Variants in SAMMSON observed in about 807,000 individuals in gnomAD.
The protein encoded by SAMMSON is survival associated mitochondrial melanoma specific oncogenic non-coding RNA.
intron 9 of SAMMSON, among the ~76,000 whole-genome samples, chr3:70,366,495 T>TTTG (rs1553659165): frequency 1.4e-5 from 2 of 147,024 alleles, no homozygotes; most frequent in South Asian, 2.1e-4. Context: ...TTTTTATGTT[T>TTTG]TTTTTTTTTT....
intron 4 of SAMMSON, among the ~76,000 whole-genome samples, chr3:70,194,187 CT>C (rs1701154256): frequency 6.6e-6 from 1 of 152,166 alleles, no homozygotes; most frequent in Non-Finnish European, 1.5e-5. Context: ...AAAAAAATGT[CT>C]GTTCCTCATT....
rs1702647299 is a variant in SAMMSON, at chr3:70,334,514, A to G, written n.740-19661A>G. Among the ~76,000 whole-genome samples, 4 of 152,178 alleles carry G rather than the reference A, an allele frequency of 2.6e-5. No homozygotes were observed. The South Asian group carries it at 8.3e-4, about 31-fold the overall frequency. On this transcript the variant is annotated intron_variant and non_coding_transcript_variant, in intron 7 of 9. Transcript: ENST00000642114. ...TGAGAAAATTAGACACTTATGACCT[A>G]TAGGACAATGTTTTCCTTCTTGCTA...
intron 4 of SAMMSON, among the ~76,000 whole-genome samples, chr3:70,158,301 A>G (rs912243040): frequency 6.6e-6 from 1 of 152,112 alleles, no homozygotes; most frequent in Admixed American, 6.6e-5. Context: ...ACGGAATCAT[A>G]CAATATATGG....
At chr3:70,202,358 T>C (rs1294187354) in intron 4 of SAMMSON, among the ~76,000 whole-genome samples, 1 of 152,174 alleles carries the variant, frequency 6.6e-6, no homozygotes. Flanking sequence ...TTAGTACTAG[T>C]GGTCTCCAAG....
At chr3:70,155,091 T>C (rs932951968) in intron 4 of SAMMSON, among the ~76,000 whole-genome samples, 1 of 152,028 alleles carries the variant, frequency 6.6e-6, no homozygotes, top group African/African-American at 2.4e-5. Flanking sequence ...CTATATTGGC[T>C]TACATATATT....
intron 2 of SAMMSON, among the ~76,000 whole-genome samples, chr3:70,432,552 A>G (rs895267482): frequency 2.0e-5 from 3 of 151,974 alleles, no homozygotes; most frequent in Admixed American, 1.3e-4. Context: ...GAATGTTCCC[A>G]TATAGATGCC....
At chr3:70,254,996 T>A (rs1701801633) in intron 6 of SAMMSON, among the ~76,000 whole-genome samples, 1 of 152,190 alleles carries the variant, frequency 6.6e-6, no homozygotes, top group Non-Finnish European at 1.5e-5. Context: ...TGATGGACAT[T>A]TAGATTGTTC....
chr3:70,363,290 C>T (rs1300396244), intron 9 of SAMMSON, among the ~76,000 whole-genome samples: 1 of 152,042 alleles, frequency 6.6e-6, no homozygotes, highest in East Asian at 1.9e-4. Context: ...TGCCCACTTT[C>T]ACCACTCTTA....
At chr3:70,229,757 G>C (rs1487072914) in intron 4 of SAMMSON, among the ~76,000 whole-genome samples, 1 of 152,100 alleles carries the variant, frequency 6.6e-6, no homozygotes, top group African/African-American at 2.4e-5. Context: ...AAGCAACCTA[G>C]GGATATCTAT....
At chr3:70,018,617 C>A (rs2066997520) in intron 3 of SAMMSON, among the ~76,000 whole-genome samples, 1 of 152,096 alleles carries the variant, frequency 6.6e-6, no homozygotes, top group African/African-American at 2.4e-5. Context: ...TTCTTGCCTT[C>A]TGCTAGCTTT....
At chr3:70,340,463 C>T (rs920390655) in intron 7 of SAMMSON, among the ~76,000 whole-genome samples, 3 of 151,878 alleles carry the variant, frequency 2.0e-5, no homozygotes, top group African/African-American at 7.3e-5. Context: ...AATATGGGAA[C>T]TTGGATTTTT....
intron 7 of SAMMSON, among the ~76,000 whole-genome samples, chr3:70,333,683 C>G (rs1373253418): frequency 6.6e-6 from 1 of 152,174 alleles, no homozygotes; most frequent in Non-Finnish European, 1.5e-5. Flanking sequence ...CAAATTTCTT[C>G]TCTATTTCTC....
At chr3:70,392,671 C>T (rs753848419), downstream of SAMMSON, among the ~76,000 whole-genome samples, 1 of 152,084 alleles carries the variant, frequency 6.6e-6, no homozygotes, top group Non-Finnish European at 1.5e-5. Context: ...CCTCTACCAT[C>T]GACTTTGCGA....
chr3:70,207,462 A>G (rs1157044253), intron 4 of SAMMSON, among the ~76,000 whole-genome samples: 1 of 152,048 alleles, frequency 6.6e-6, no homozygotes, highest in African/African-American at 2.4e-5. Flanking sequence ...GGGAATTTCT[A>G]GCGAAGTTCT....
At chr3:70,070,088 T>C (rs1474013813) in intron 3 of SAMMSON, 1 of 152,074 alleles carries the variant, frequency 6.6e-6, no homozygotes, top group East Asian at 1.9e-4. Context: ...TCCAACACAA[T>C]GTCTGGGAAT....
intron 6 of SAMMSON, among the ~76,000 whole-genome samples, chr3:70,265,208 A>G (rs1701905031): frequency 6.6e-6 from 1 of 152,190 alleles, no homozygotes. Context: ...AAAGTAGGCT[A>G]GTGTTCATGT....
chr3:70,300,250 A>G (rs1310097309), intron 7 of SAMMSON, among the ~76,000 whole-genome samples: 3 of 152,188 alleles, frequency 2.0e-5, no homozygotes, highest in East Asian at 3.9e-4. Context: ...GCCCTTGAGT[A>G]AACAACAATC....
At chr3:70,074,309 G>A (rs1166826563) in intron 4 of SAMMSON, among the ~76,000 whole-genome samples, 1 of 151,972 alleles carries the variant, frequency 6.6e-6, no homozygotes, top group Non-Finnish European at 1.5e-5. Context: ...AACAGTTTTA[G>A]GATTAAAGCT....
chr3:70,000,028 G>A (rs2107572852), intron 1 of SAMMSON, among the ~76,000 whole-genome samples: 1 of 152,242 alleles, frequency 6.6e-6, no homozygotes, highest in South Asian at 2.1e-4. Flanking sequence ...CAATTTTTCC[G>A]GTACACCAAG....
Sources: gnomAD v4.1 joint callset for allele counts (sites outside exome capture counted in the v4.1 genomes callset) on GRCh38, gnomAD v4.1.1 for gene constraint, MANE v1.5 for transcripts, NCBI Gene and HGNC (gene_info 2026-07-23, HGNC 2026-07-21) for gene names.